Variants in SAMSN1 observed in about 807,000 individuals in gnomAD.
SAMSN1 encodes the protein SAM domain, SH3 domain and nuclear localization signals 1, also known as SAM domain-containing protein SAMSN-1.
SAMSN1 carries 31 observed loss-of-function variants against 42.0 expected under a neutral mutation model. That is an observed-to-expected ratio of 0.74 (90% CI 0.55 to 1.00). The LOEUF is 1.00. Ranked by LOEUF, SAMSN1 falls within the 50% of genes least tolerant of loss-of-function variation. SAMSN1 has a pLI of 0.00. For missense variants in SAMSN1, 464 were observed against 439.4 expected, an observed-to-expected ratio of 1.06 and a Z score of -0.50; for synonymous variants, 178 against 151.9, an observed-to-expected ratio of 1.17 and a Z score of -1.26.
At chr21:14,618,691 TGC>T (rs71321939) in intron 2 of SAMSN1, among the ~76,000 whole-genome samples, 182 of 15,740 alleles carry the variant, frequency 0.012, no homozygotes, top group African/African-American at 0.021. Flanking sequence ...TGTGTGTGTG[TGC>T]GCGCGCGCGC....
intron 2 of SAMSN1, among the ~76,000 whole-genome samples, chr21:14,627,035 C>A (rs936056226): frequency 1.3e-5 from 2 of 152,016 alleles, no homozygotes; most frequent in African/African-American, 4.8e-5. Flanking sequence ...AGAGAAAAAA[C>A]CAAACACTGC....
intron 2 of SAMSN1, among the ~76,000 whole-genome samples, chr21:14,519,695 GAT>G (rs113632376): frequency 0.038 from 5,753 of 152,024 alleles, 338 homozygotes; most frequent in African/African-American, 0.13. Context: ...AAATATTACA[GAT>G]AGTTATATTT....
At chr21:14,549,321 T>A (rs946072532), upstream of SAMSN1, among the ~76,000 whole-genome samples, 2 of 152,168 alleles carry the variant, frequency 1.3e-5, no homozygotes, top group African/African-American at 2.4e-5. Context: ...TACAATTAGA[T>A]AGTAGTTTGG....
intron 3 of SAMSN1, among the ~76,000 whole-genome samples, chr21:14,513,861 G>C (rs1223548035): frequency 6.6e-6 from 1 of 152,200 alleles, no homozygotes; most frequent in African/African-American, 2.4e-5. Flanking sequence ...CTAATGTAGT[G>C]TGAGAAAGGA....
intron 2 of SAMSN1, among the ~76,000 whole-genome samples, chr21:14,556,484 T>C (rs1262503745): frequency 6.6e-6 from 1 of 152,246 alleles, no homozygotes; most frequent in African/African-American, 2.4e-5. Context: ...TATATATGTA[T>C]GTGTATATGC....
intron 1 of SAMSN1, among the ~76,000 whole-genome samples, chr21:14,527,290 C>T (rs890430058): frequency 6.6e-6 from 1 of 152,146 alleles, no homozygotes; most frequent in African/African-American, 2.4e-5. Flanking sequence ...CTAACTAACT[C>T]GGGTACTCAG....
rs145089159 is a variant in SAMSN1, at chr21:14,491,898, A to G, written c.920-5784T>C. 2.0e-5 allele frequency among the ~76,000 whole-genome samples: 3 copies of G among 152,376 alleles called. No homozygotes were observed. The East Asian group carries it at 5.8e-4, about 29-fold the overall frequency. ...TCTAAAACTATTACTTTTGACAAAA[A>G]TAGGAATACTGTGCATATTAGTGAT... On this transcript the variant is annotated intron_variant, in intron 7 of 7. Coordinates refer to ENST00000400566, the MANE Select transcript of SAMSN1 (RefSeq NM_022136.5).
At chr21:14,629,418 T>C (rs912603352) in intron 2 of SAMSN1, among the ~76,000 whole-genome samples, 1 of 152,152 alleles carries the variant, frequency 6.6e-6, no homozygotes, top group Non-Finnish European at 1.5e-5. Context: ...CCTCAGCATA[T>C]TACTGTAATA....
chr21:14,496,549 C>A (rs892820747), intron 7 of SAMSN1: 1 of 152,206 alleles, frequency 6.6e-6, no homozygotes. Flanking sequence ...TACTTCTAAG[C>A]CAAACATTGT....
At chr21:14,577,483 A>C (rs190243420) in intron 2 of SAMSN1, among the ~76,000 whole-genome samples, 166 of 151,490 alleles carry the variant, frequency 1.1e-3, no homozygotes, top group Non-Finnish European at 1.5e-4. Flanking sequence ...GATTTTGAAA[A>C]ATATATGTGT....
intron 2 of SAMSN1, among the ~76,000 whole-genome samples, chr21:14,519,834 A>G (rs1385541860): frequency 1.3e-5 from 2 of 152,078 alleles, no homozygotes; most frequent in Non-Finnish European, 2.9e-5. Flanking sequence ...CTTAGTAGAC[A>G]CCCCTTCTCT....
chr21:14,625,313 A>C (rs1441072048), intron 2 of SAMSN1, among the ~76,000 whole-genome samples: 1 of 152,112 alleles, frequency 6.6e-6, no homozygotes, highest in African/African-American at 2.4e-5. Context: ...CAGGGTATTC[A>C]ATTAGGAAAA....
Position 14,533,232 on chromosome 21 carries a change from A to C in SAMSN1, c.58-12011T>G, listed in dbSNP as rs79468283. On this transcript the variant is annotated intron_variant, in intron 1 of 7. Transcript: ENST00000400566. ...ATGCCCAGCCACTCTTATTTAATTA[A>C]AAATAGCAGTAGCATAACTGTAACC... Among the ~76,000 whole-genome samples, 36 of 152,210 alleles carry C rather than the reference A, an allele frequency of 2.4e-4. No individual in the cohort carries two copies. In the East Asian group the frequency reaches 6.4e-3, roughly 27 times the overall value.
intron 7 of SAMSN1, chr21:14,593,953 T>A: frequency 1.4e-6 from 1 of 709,066 alleles, no homozygotes; most frequent in Non-Finnish European, 2.6e-6. Context: ...GGCATTAAAA[T>A]GAGTGGAAAA....
chr21:14,593,822 T>C (rs1600951287), intron 7 of SAMSN1: 1 of 385,780 alleles, frequency 2.6e-6, no homozygotes, highest in South Asian at 1.1e-4. Flanking sequence ...AAATGCTTTA[T>C]GTTCCTTTTA....
chr21:14,567,807 C>T (rs1196723175), intron 2 of SAMSN1, among the ~76,000 whole-genome samples: 2 of 152,070 alleles, frequency 1.3e-5, no homozygotes, highest in Admixed American at 1.3e-4. Flanking sequence ...GCGAGTTCCT[C>T]AATCTCGGTG....
At chr21:14,588,573 T>C (rs7277892) in intron 7 of SAMSN1, among the ~76,000 whole-genome samples, 122,874 of 152,050 alleles carry the variant, frequency 0.81, 50,385 homozygotes, top group African/African-American at 0.92. Context: ...TCATGTCCTT[T>C]GCCCACTAAG....
chr21:14,609,994 C>A (rs1982663774), intron 4 of SAMSN1, among the ~76,000 whole-genome samples: 1 of 152,124 alleles, frequency 6.6e-6, no homozygotes, highest in Non-Finnish European at 1.5e-5. Flanking sequence ...CGCCTCAGAA[C>A]CCTGTGATGA....
intron 2 of SAMSN1, among the ~76,000 whole-genome samples, chr21:14,618,610 C>T (rs1982904689): frequency 6.6e-6 from 1 of 151,478 alleles, no homozygotes; most frequent in African/African-American, 2.4e-5. Flanking sequence ...AGGGGCAAGT[C>T]AAAGAAAGAC....
Sources: allele counts gnomAD v4.1 joint callset (sites outside exome capture counted in the v4.1 genomes callset), GRCh38; gene constraint gnomAD v4.1.1; transcripts MANE v1.5; gene names NCBI Gene and HGNC (gene_info 2026-07-23, HGNC 2026-07-21).